The following CACNA1B variants were observed in gnomAD, a reference collection of about 807,000 sequenced individuals.
CACNA1B encodes voltage-dependent N-type calcium channel subunit alpha-1B.
Under a neutral mutation model 247.2 loss-of-function variants are expected in CACNA1B, and 70 were observed. That is an observed-to-expected ratio of 0.28 (90% confidence interval 0.23 to 0.35). CACNA1B has a LOEUF of 0.35. Ranked by LOEUF, CACNA1B falls within the 10% of genes least tolerant of loss-of-function variation. The probability of loss-of-function intolerance (pLI) is 1.00; values close to 1 mark genes in which losing one functional copy is unlikely to be tolerated. For synonymous variants in CACNA1B, 1,231 were observed against 1,294.4 expected, an observed-to-expected ratio of 0.95 and a Z score of 1.05; for missense variants, 2,367 against 3,197.4, an observed-to-expected ratio of 0.74 and a Z score of 6.26.
chr9:138,107,995 G>C (rs1194106295), intron 39 of CACNA1B, among the ~76,000 whole-genome samples: 2 of 127,962 alleles, frequency 1.6e-5, no homozygotes, highest in East Asian at 4.6e-4. Flanking sequence ...AAAAAAAAAA[G>C]AATAGATAAC....
chr9:137,991,899 C>T (rs967384930), intron 15 of CACNA1B, among the ~76,000 whole-genome samples: 3 of 152,154 alleles, frequency 2.0e-5, no homozygotes, highest in East Asian at 1.9e-4. Context: ...TGAGAGAATT[C>T]GCCACTACCA....
chr9:138,122,109 G>A lies in CACNA1B; in HGVS notation c.*110G>A. ...CCTCGGGGGAGGCCTTGCCCACCTTGGTGAGGCTCCTGTGGCCCCTCCCTC... is the reference window on the plus strand; with the variant it reads ...CCTCGGGGGAGGCCTTGCCCACCTTAGTGAGGCTCCTGTGGCCCCTCCCTC... On this transcript the variant is annotated 3_prime_UTR_variant, in exon 47 of 47. Transcript: ENST00000371372. 2.0e-6 allele frequency: 2 copies of A among 995,322 alleles called. No homozygotes were observed. The highest frequency in any genetic ancestry group is 1.6e-5 in the African/African-American group (1 of 61,436). The allele number at this position is 995,322 out of a possible 1,614,324, so 61.7% of individuals were successfully genotyped here.
At chr9:138,077,470 C>T (rs115032005) in intron 35 of CACNA1B, among the ~76,000 whole-genome samples, 1,689 of 152,216 alleles carry the variant, frequency 0.011, 30 homozygotes, top group African/African-American at 0.038. Context: ...GTGCTATGGG[C>T]AGTCATGTGG....
intron 6 of CACNA1B, among the ~76,000 whole-genome samples, chr9:137,933,453 C>T (rs1957630531): frequency 6.6e-6 from 1 of 152,136 alleles, no homozygotes; most frequent in Non-Finnish European, 1.5e-5. Context: ...TTATATTGGG[C>T]CCCAAATTGG....
intron 11 of CACNA1B, 88 bp from the exon 12 acceptor site, chr9:137,975,819 C>T (rs1364391506): frequency 3.8e-6 from 3 of 789,584 alleles, no homozygotes; most frequent in Non-Finnish European, 6.7e-6. Context: ...CCTGGGAAGG[C>T]CCAGAGGTCT....
At chr9:137,878,979 G>A in intron 1 of CACNA1B, 75 bp from the exon 2 acceptor site, 1 of 906,608 alleles carries the variant, frequency 1.1e-6, no homozygotes, top group South Asian at 1.5e-5. Context: ...GGTGGCTGCT[G>A]CACTGGGCTC....
chr9:137,957,746 C>T lies in CACNA1B; in HGVS notation c.1333+59C>T. The T allele has an allele frequency of 8.2e-7, 1 of 1,221,368 alleles. No homozygotes were observed. The highest frequency in any genetic ancestry group is 1.5e-5 in the South Asian group (1 of 66,868). 75.7% of individuals were successfully genotyped at this position (1,221,368 alleles called of 1,614,324 possible). A position where few individuals can be genotyped will look rare whatever the true frequency, so the allele number is the denominator to read the frequency against. On this transcript the variant is annotated intron_variant, in intron 10 of 46. Transcript: ENST00000371372. This position sits in a 1 kb window ranked among gnomAD's most constrained non-coding sequence, Gnocchi z 4.7. The stretch of plus-strand genomic sequence containing the variant: ...GCTTGAGCTGGACATGGAGTGCATG[C>T]TCCGCTTCCCCTGCTACCCAGCCAC...
chr9:137,949,208 T>C (rs1412114462), intron 6 of CACNA1B, among the ~76,000 whole-genome samples: 21 of 23,264 alleles, frequency 9.0e-4, no homozygotes, highest in South Asian at 5.8e-3. Context: ...GTGTGTCTGG[T>C]ATGTGTGGTG....
At chr9:137,948,996 GGT>G (rs968067914) in intron 6 of CACNA1B, among the ~76,000 whole-genome samples, 1 of 141,238 alleles carries the variant, frequency 7.1e-6, no homozygotes, top group African/African-American at 2.7e-5. Context: ...TCTGGTGTTT[GGT>G]GTGTGTATGT....
chr9:137,960,532 G>C (rs1958008770), intron 10 of CACNA1B, among the ~76,000 whole-genome samples: 2 of 131,080 alleles, frequency 1.5e-5, no homozygotes, highest in East Asian at 4.9e-4. Flanking sequence ...GGATGCCCAG[G>C]GGAGAGAGGG....
rs1350258844 is a variant in CACNA1B at position 138,012,937 on chromosome 9, G to A, written c.2161-192G>A. 6.6e-6 allele frequency among the ~76,000 whole-genome samples: 1 copy of A among 152,090 alleles called. No individual in the cohort carries two copies. Among genetic ancestry groups the A allele is most frequent in the Non-Finnish European group, 1.5e-5 (1 of 68,024 alleles). ...GAAGGGAAGGCCCTGGAGAGCACCA[G>A]AGACAGCTCCTGTGGAACAGGTCGT... On this transcript the variant is annotated intron_variant, in intron 17 of 46. Coordinates refer to ENST00000371372, the MANE Select transcript of CACNA1B (RefSeq NM_000718.4). This position sits in a 1 kb window ranked among gnomAD's most constrained non-coding sequence, Gnocchi z 4.2.
chr9:137,913,132 G>T lies in CACNA1B; in HGVS notation c.531-48G>T. On this transcript the variant is annotated intron_variant, in intron 3 of 46. Coordinates refer to ENST00000371372, the MANE Select transcript of CACNA1B (RefSeq NM_000718.4). The surrounding 1 kb of genome is among the most constrained non-coding windows in gnomAD (Gnocchi z 5.2). Reference sequence around the variant, plus strand: ...GTGGGAGGAGTGTGTCCTCTTCCAGGCTCAATGTGGAAACCTTTACTTCCC... The same window carrying T: ...GTGGGAGGAGTGTGTCCTCTTCCAGTCTCAATGTGGAAACCTTTACTTCCC... 2 of 1,471,106 alleles carry T rather than the reference G, an allele frequency of 1.4e-6. No homozygotes were observed. The highest frequency in any genetic ancestry group is 9.5e-7 in the Non-Finnish European group (1 of 1,052,332). 91.1% of individuals were successfully genotyped at this position (1,471,106 alleles called of 1,614,324 possible).
At chr9:137,884,103 C>G (rs1302227493) in intron 3 of CACNA1B, among the ~76,000 whole-genome samples, 2 of 152,116 alleles carry the variant, frequency 1.3e-5, no homozygotes, top group Admixed American at 6.5e-5. Context: ...CCCATCTGCT[C>G]TGCCTGCTCC....
At chr9:138,068,993 TC>T (rs902604928) in intron 31 of CACNA1B, among the ~76,000 whole-genome samples, 22 of 152,264 alleles carry the variant, frequency 1.4e-4, no homozygotes, top group African/African-American at 4.8e-4. Context: ...AAGCAAGCCC[TC>T]CTTGGCAGCC....
chr9:137,993,057 G>A (rs553514990), intron 15 of CACNA1B, among the ~76,000 whole-genome samples: 2 of 152,242 alleles, frequency 1.3e-5, no homozygotes, highest in African/African-American at 4.8e-5. Context: ...AAAGTTCATA[G>A]CCTTAAATGC....
At chr9:137,963,173 G>A (rs776171253) in intron 10 of CACNA1B, among the ~76,000 whole-genome samples, 3 of 152,022 alleles carry the variant, frequency 2.0e-5, no homozygotes, top group African/African-American at 4.8e-5. Context: ...GTGATTTAAC[G>A]TCTGTTTTGT....
intron 21 of CACNA1B, among the ~76,000 whole-genome samples, chr9:138,046,447 C>T (rs563397730): frequency 1.1e-4 from 15 of 140,558 alleles, no homozygotes; most frequent in East Asian, 4.0e-4. Flanking sequence ...AGAATGTTGA[C>T]GCTGAAATTC....
intron 39 of CACNA1B, among the ~76,000 whole-genome samples, chr9:138,108,682 T>G (rs1326472097): frequency 1.3e-5 from 2 of 151,954 alleles, no homozygotes; most frequent in African/African-American, 4.8e-5. Flanking sequence ...GGAGTCTCAC[T>G]CTGTTGCCCA....
At chr9:138,055,196 A>C (rs1781333230) in intron 26 of CACNA1B, among the ~76,000 whole-genome samples, 1 of 148,994 alleles carries the variant, frequency 6.7e-6, no homozygotes, top group Admixed American at 6.8e-5. Flanking sequence ...CTGCTATTGC[A>C]GCTTAATGCA....
Sources: gnomAD v4.1 joint callset for allele counts (sites outside exome capture counted in the v4.1 genomes callset) on GRCh38, gnomAD v4.1.1 for gene constraint, Gnocchi (gnomAD v3.1) non-coding constraint, MANE v1.5 for transcripts, NCBI Gene and HGNC (gene_info 2026-07-23, HGNC 2026-07-21) for gene names.